The following ITSN2 variants were observed in gnomAD, a reference collection of about 807,000 sequenced individuals.
The protein encoded by ITSN2 is intersectin 2.
A neutral mutation model predicts 243.7 loss-of-function variants in ITSN2; 156 were observed. The observed-to-expected ratio is 0.64, with a 90% CI of 0.56 to 0.73. The LOEUF (loss-of-function observed/expected upper bound fraction) is 0.73. Among genes scored for constraint, ITSN2 ranks in the 30% least tolerant of loss-of-function variants. ITSN2 has a pLI of 0.00. For synonymous variants in ITSN2, 703 were observed against 699.9 expected (o/e 1.00, Z -0.07); for missense variants, 1,801 against 1,996.1 (o/e 0.90, Z 1.86).
At chr2:24,321,862 C>A (rs1684612303) in intron 2 of ITSN2, 1 of 152,184 alleles carries the variant, frequency 6.6e-6, no homozygotes, top group Non-Finnish European at 1.5e-5. Flanking sequence ...CAGCAACTCA[C>A]TGAGCCCCCA....
chr2:24,285,768 T>A (rs1016049022), intron 16 of ITSN2, among the ~76,000 whole-genome samples: 10 of 152,236 alleles, frequency 6.6e-5, no homozygotes, highest in African/African-American at 2.4e-4. Flanking sequence ...TTTCACTGAT[T>A]ATTGCATTAT....
rs1463879507 is a variant in ITSN2 at position 24,275,712 on chromosome 2, C to T, written c.2081+1G>A. 3.1e-6 allele frequency: 5 copies of T among 1,606,386 alleles called. 1 individual carries two copies. Among genetic ancestry groups the T allele is most frequent in the Non-Finnish European group, 4.3e-6 (5 of 1,174,810 alleles). On this transcript the variant is annotated splice_donor_variant, in intron 18 of 39. Transcript: ENST00000355123. LOFTEE classifies it high-confidence loss of function. ...CACAATAAATATATCAGCTATATTA[C>T]CTTGCAGCCTCATCTTCTAGTTTCT... is the stretch of plus-strand genomic sequence containing the variant.
At chr2:24,218,554 A>C (rs1446535002) in intron 30 of ITSN2, among the ~76,000 whole-genome samples, 1 of 152,210 alleles carries the variant, frequency 6.6e-6, no homozygotes, top group Non-Finnish European at 1.5e-5. Flanking sequence ...TTTACAAAGC[A>C]CTGATATGTA....
chr2:24,263,616 C>G (rs1310282477), intron 20 of ITSN2, among the ~76,000 whole-genome samples: 3 of 152,110 alleles, frequency 2.0e-5, no homozygotes, highest in African/African-American at 4.8e-5. Context: ...AAACACTGGC[C>G]TGTTTTCTGT....
intron 13 of ITSN2, 31 bp from the exon 14 acceptor site, chr2:24,295,835 CAT>C: frequency 7.1e-7 from 1 of 1,409,258 alleles, no homozygotes; most frequent in Non-Finnish European, 9.5e-7. Flanking sequence ...TATATAGTAA[CAT>C]AAAATGCTAA....
intron 1 of ITSN2, chr2:24,334,887 C>A: frequency 2.1e-6 from 1 of 469,638 alleles, no homozygotes; most frequent in Non-Finnish European, 3.9e-6. Flanking sequence ...CAAGGTGAAA[C>A]CCCGTCTCTA....
At chr2:24,210,430 G>A (rs1202945603) in intron 34 of ITSN2, 3 of 281,342 alleles carry the variant, frequency 1.1e-5, no homozygotes, top group Non-Finnish European at 2.0e-5. Flanking sequence ...TGGCCAACAT[G>A]GTGAAACCCC....
intron 35 of ITSN2, 121 bp downstream of exon 35, chr2:24,209,697 C>T (rs192242951): frequency 7.0e-4 from 517 of 738,620 alleles, no homozygotes; most frequent in Non-Finnish European, 9.9e-4. Context: ...GAAGCACGAG[C>T]GATCTGGAAC....
Position 24,271,804 on chromosome 2 carries a change from C to G in ITSN2, c.2219G>C (p.Arg740Pro), listed in dbSNP as rs533253036. ...EEERKAEEKQ[R>P]KDKDTLKAEE... ...AGCTTTCAAAGTATCCTTATCCTTACGTTGTTTCTCCTCAGCTTTCCGTTC... is the reference window on the plus strand; with the variant it reads ...AGCTTTCAAAGTATCCTTATCCTTAGGTTGTTTCTCCTCAGCTTTCCGTTC... Residue 740 changes from arginine to proline, a missense_variant, in exon 19 of 40, where the codon CGT (arginine) becomes CCT (proline). By Grantham distance (103) the Arg-to-Pro change is moderately radical. This residue lies in a region of ITSN2 where 787 missense variants were observed against 803.9 expected (regional missense o/e 0.98). Coordinates refer to ENST00000355123, the MANE Select transcript of ITSN2 (RefSeq NM_006277.3). The G allele has an allele frequency of 6.2e-7, 1 of 1,605,824 alleles. No homozygotes were observed. Among genetic ancestry groups the G allele is most frequent in the Non-Finnish European group, 8.5e-7 (1 of 1,178,112 alleles).
rs1670388125 is a variant in ITSN2, at chr2:24,220,927, C to T, written c.3699+18G>A. The T allele has an allele frequency of 1.3e-6, 2 of 1,587,284 alleles. No homozygotes were observed. Among genetic ancestry groups the T allele is most frequent in the Admixed American group, 3.7e-5 (2 of 54,586 alleles). ...GACAGCAGATACCCCGAGAGCTAGC[C>T]AGCAGCAGCCTCCTCACCTCGACGA... is the stretch of plus-strand genomic sequence containing the variant. On this transcript the variant is annotated intron_variant, in intron 30 of 39. Transcript: ENST00000355123.
chr2:24,292,218 AG>A (rs1255601580), intron 15 of ITSN2, among the ~76,000 whole-genome samples: 1 of 152,254 alleles, frequency 6.6e-6, no homozygotes, highest in Admixed American at 6.5e-5. Context: ...ATAAATAAAT[AG>A]GTAACAGCTG....
Position 24,222,068 on chromosome 2 carries a change from C to T in ITSN2, c.3578-1002G>A, listed in dbSNP as rs562755725. Among the ~76,000 whole-genome samples the T allele has an allele frequency of 9.9e-5, 15 of 151,990 alleles. 1 individual carries two copies. Among genetic ancestry groups the T allele is most frequent in the East Asian group, 3.9e-4 (2 of 5,166 alleles). On this transcript the variant is annotated intron_variant, in intron 29 of 39. Coordinates refer to ENST00000355123, the MANE Select transcript of ITSN2 (RefSeq NM_006277.3). ...GAGATCGAGACCATCCTGGCTAACACGGTGAAACCCCGTCTCTACTAAAAT... is the reference window on the plus strand; with the variant it reads ...GAGATCGAGACCATCCTGGCTAACATGGTGAAACCCCGTCTCTACTAAAAT...
rs946611354 is a variant in ITSN2 at position 24,334,494 on chromosome 2, A to C, written c.-33-6379T>G. 5.7e-6 allele frequency: 4 copies of C among 697,752 alleles called. No homozygotes were observed. The Admixed American group carries it at 7.1e-5, about 12-fold the overall frequency. The allele number at this position is 697,752 out of a possible 1,614,324, so 43.2% of individuals were successfully genotyped here. On this transcript the variant is annotated intron_variant, in intron 1 of 39. Coordinates refer to ENST00000355123, the MANE Select transcript of ITSN2 (RefSeq NM_006277.3). The stretch of plus-strand genomic sequence containing the variant: ...AAGAATTACAATTACTTTCCGTGCC[A>C]ATAGCGCTCATGCAAACATGGTGAA...
rs1050116866 is a variant in ITSN2 at position 24,261,752 on chromosome 2, T to C, written c.2356-10A>G. 5.0e-6 allele frequency: 8 copies of C among 1,602,268 alleles called. No homozygotes were observed. The African/African-American group carries it at 9.4e-5, about 19-fold the overall frequency. On this transcript the variant is annotated splice_polypyrimidine_tract_variant and intron_variant, in intron 20 of 39. Transcript: ENST00000355123. ...CGGTTTTTTCATCAACCTACGGAAA[T>C]AAAAAGAAGGATTAACAGTGCTTAG...
chr2:24,333,606 T>C (rs1439640555), intron 1 of ITSN2, among the ~76,000 whole-genome samples: 1 of 152,246 alleles, frequency 6.6e-6, no homozygotes, highest in Non-Finnish European at 1.5e-5. Context: ...TAAAAATTAA[T>C]GCAGAACTGG....
At chr2:24,358,287 T>C (rs1329751330) in intron 1 of ITSN2, among the ~76,000 whole-genome samples, 2 of 152,248 alleles carry the variant, frequency 1.3e-5, no homozygotes, top group African/African-American at 4.8e-5. Flanking sequence ...TAAAAGGATC[T>C]TGGTTTGAAA....
At chr2:24,226,277 G>A (rs1282141899) in intron 29 of ITSN2, among the ~76,000 whole-genome samples, 2 of 152,210 alleles carry the variant, frequency 1.3e-5, no homozygotes, top group Non-Finnish European at 2.9e-5. Context: ...CAATCCTGCA[G>A]GCTGTTTTTT....
At chr2:24,279,211 T>C (rs1047677847) in intron 17 of ITSN2, among the ~76,000 whole-genome samples, 2 of 152,224 alleles carry the variant, frequency 1.3e-5, no homozygotes, top group African/African-American at 4.8e-5. Context: ...TGGCAGGTTA[T>C]GCCACCTGCA....
chr2:24,288,213 C>T (rs151300108), intron 15 of ITSN2, among the ~76,000 whole-genome samples: 17 of 152,076 alleles, frequency 1.1e-4, no homozygotes, highest in African/African-American at 2.9e-4. Flanking sequence ...TATAAGGCTC[C>T]AATTTCATTC....
Sources: allele counts gnomAD v4.1 joint callset (sites outside exome capture counted in the v4.1 genomes callset), GRCh38; gene constraint gnomAD v4.1.1; regional missense constraint gnomAD v4.1.1; transcripts MANE v1.5; gene names NCBI Gene and HGNC (gene_info 2026-07-23, HGNC 2026-07-21).